SH3BP5: variants seen among roughly 807,000 people sequenced by gnomAD.
SH3BP5 encodes SH3 domain-binding protein 5.
A neutral mutation model predicts 43.3 loss-of-function variants in SH3BP5; 22 were observed. The ratio of observed to expected loss-of-function variants is 0.51; its 90% confidence interval spans 0.36 to 0.73. The LOEUF is 0.73. Among genes scored for constraint, SH3BP5 ranks in the 30% least tolerant of loss-of-function variants. The pLI, the probability that SH3BP5 is intolerant of heterozygous loss-of-function variation, is 0.00. For missense variants in SH3BP5, 529 were observed against 586.9 expected (o/e 0.90, Z 1.02); for synonymous variants, 255 against 225.8 (o/e 1.13, Z -1.16).
intron 3 of SH3BP5, chr3:15,273,067 G>A: frequency 8.7e-6 from 8 of 915,508 alleles, no homozygotes; most frequent in Non-Finnish European, 1.0e-5. Flanking sequence ...GAGGGAACCT[G>A]TCACCTTAAA....
intron 2 of SH3BP5, among the ~76,000 whole-genome samples, chr3:15,320,472 T>C (rs1698294164): frequency 6.6e-6 from 1 of 152,070 alleles, no homozygotes; most frequent in South Asian, 2.1e-4. Context: ...AAAAGCAGTA[T>C]AGTCTTTAAT....
chr3:15,264,375 AT>A (rs1696561322), intron 4 of SH3BP5: 1 of 152,032 alleles, frequency 6.6e-6, no homozygotes, highest in African/African-American at 2.4e-5. Flanking sequence ...TCTGTTGGTA[AT>A]TCATTGAGGC....
intron 2 of SH3BP5, among the ~76,000 whole-genome samples, chr3:15,321,337 A>G (rs748577597): frequency 6.6e-6 from 1 of 152,148 alleles, no homozygotes; most frequent in Non-Finnish European, 1.5e-5. Context: ...AGCACTTTTC[A>G]TCCTTCCATG....
Position 15,299,914 on chromosome 3 carries a change from C to T in SH3BP5, c.330+4189G>A, listed in dbSNP as rs143913821. On this transcript the variant is annotated intron_variant, in intron 3 of 8. Transcript: ENST00000383791. ...ATCTTCTTTTTCTCCAAATGGCATA[C>T]GTACTTTTATTTCAAAATATTCACA... is the stretch of plus-strand genomic sequence containing the variant. Among the ~76,000 whole-genome samples, 26 of 152,094 alleles carry T rather than the reference C, an allele frequency of 1.7e-4. No individual in the cohort carries two copies. The East Asian group carries it at 2.7e-3, about 16-fold the overall frequency.
At chr3:15,302,113 C>G (rs1405144302) in intron 3 of SH3BP5, among the ~76,000 whole-genome samples, 1 of 152,168 alleles carries the variant, frequency 6.6e-6, no homozygotes, top group African/African-American at 2.4e-5. Flanking sequence ...TCAAACCTAA[C>G]CTGAACCCTC....
upstream of SH3BP5, among the ~76,000 whole-genome samples, chr3:15,336,285 C>T (rs903836484): frequency 1.3e-5 from 2 of 152,118 alleles, no homozygotes; most frequent in Non-Finnish European, 2.9e-5. Flanking sequence ...GTGGGTAGGA[C>T]AGAGACAGCC....
chr3:15,295,525 T>A (rs1215380463), intron 3 of SH3BP5, among the ~76,000 whole-genome samples: 1 of 152,174 alleles, frequency 6.6e-6, no homozygotes, highest in African/African-American at 2.4e-5. Context: ...ATTAAGTGCT[T>A]TCTAGTGCTC....
intron 2 of SH3BP5, among the ~76,000 whole-genome samples, chr3:15,323,076 T>C (rs1439013592): frequency 6.6e-6 from 1 of 152,084 alleles, no homozygotes; most frequent in Non-Finnish European, 1.5e-5. Context: ...GAGGCAGTGG[T>C]TGCAGTGGCA....
Position 15,328,615 on chromosome 3 carries a change from CT to C in SH3BP5, c.201+1888del, listed in dbSNP as rs1233360379. On this transcript the variant is annotated intron_variant, in intron 2 of 8. Coordinates refer to ENST00000383791, the MANE Select transcript of SH3BP5 (RefSeq NM_004844.5). ...ATTAGCCAGGTATGGTGGCATGCAC[CT>C]GTAGTCTCAGCTACTGGGGAGGATG... is the stretch of plus-strand genomic sequence containing the variant. Among the ~76,000 whole-genome samples, 8 of 152,234 alleles carry C rather than the reference CT, an allele frequency of 5.3e-5. No individual in the cohort carries two copies. The East Asian group carries it at 1.4e-3, about 26-fold the overall frequency.
At chr3:15,325,698 G>A (rs1174390085) in intron 2 of SH3BP5, among the ~76,000 whole-genome samples, 1 of 152,164 alleles carries the variant, frequency 6.6e-6, no homozygotes, top group Non-Finnish European at 1.5e-5. Context: ...CCCCCATCAC[G>A]TAGTAGGTGC....
intron 3 of SH3BP5, among the ~76,000 whole-genome samples, chr3:15,274,357 C>T (rs957210406): frequency 6.6e-6 from 1 of 152,156 alleles, no homozygotes; most frequent in African/African-American, 2.4e-5. Context: ...AAGCCTGATT[C>T]TGGTATCTGC....
intron 3 of SH3BP5, among the ~76,000 whole-genome samples, chr3:15,285,730 C>A (rs1347409329): frequency 6.6e-6 from 1 of 152,218 alleles, no homozygotes; most frequent in South Asian, 2.1e-4. Flanking sequence ...CTCCGCCAAG[C>A]CCTCCAGTAG....
intron 2 of SH3BP5, among the ~76,000 whole-genome samples, chr3:15,312,344 G>A (rs957167474): frequency 6.6e-6 from 1 of 152,156 alleles, no homozygotes; most frequent in Non-Finnish European, 1.5e-5. Flanking sequence ...TATTATTTTT[G>A]TTAACATGTA....
chr3:15,305,655 C>T (rs527739553), intron 2 of SH3BP5, among the ~76,000 whole-genome samples: 80 of 152,218 alleles, frequency 5.3e-4, no homozygotes, highest in African/African-American at 1.9e-3. Context: ...TACTGAGTCC[C>T]AAGCAGGCAG....
intron 4 of SH3BP5, among the ~76,000 whole-genome samples, chr3:15,265,088 G>A (rs1033891903): frequency 1.3e-5 from 2 of 151,980 alleles, no homozygotes; most frequent in African/African-American, 4.8e-5. Context: ...CACTTGGAAA[G>A]CTCCGAGCCC....
At chr3:15,332,683 A>G, upstream of SH3BP5, 1 of 1,134,508 alleles carries the variant, frequency 8.8e-7, no homozygotes, top group Non-Finnish European at 1.1e-6. Context: ...CGCCAGTCCC[A>G]GCTATCCAGG....
chr3:15,320,642 C>CACACACACACACACACA (rs1553619765), intron 2 of SH3BP5, among the ~76,000 whole-genome samples: 1 of 25,786 alleles, frequency 3.9e-5, no homozygotes. Context: ...ACACACACAC[C>CACACACACACACACACA]CCACTACGTT....
intron 8 of SH3BP5, chr3:15,256,620 C>G (rs900012279): frequency 1.5e-5 from 9 of 604,058 alleles, no homozygotes; most frequent in African/African-American, 7.4e-5. Context: ...GGAGACTGTT[C>G]TGATGTGAGA....
chr3:15,330,799 T>C (rs1274150680), intron 1 of SH3BP5: 7 of 977,916 alleles, frequency 7.2e-6, no homozygotes, highest in African/African-American at 3.5e-5. Flanking sequence ...TCAGAGACAT[T>C]TGGAATTTGT....
Sources: gnomAD v4.1 joint callset for allele counts (sites outside exome capture counted in the v4.1 genomes callset) on GRCh38, gnomAD v4.1.1 for gene constraint, MANE v1.5 for transcripts, NCBI Gene and HGNC (gene_info 2026-07-23, HGNC 2026-07-21) for gene names.